The following COXFA4L3 variants were observed in gnomAD, a reference collection of about 807,000 sequenced individuals.
COXFA4L3 encodes the protein MIR147B host.
the COXFA4L3 span, chr15:45,430,906 G>C: frequency 1.3e-6 from 2 of 1,568,640 alleles, no homozygotes; most frequent in African/African-American, 2.7e-5. Flanking sequence ...CACAGATTTT[G>C]AACAAAGTAT....
the COXFA4L3 span, chr15:45,432,017 A>G: frequency 6.9e-7 from 1 of 1,453,154 alleles, no homozygotes; most frequent in Non-Finnish European, 9.6e-7. Context: ...ACCCAGTATC[A>G]GTGTTGGTTT....
At chr15:45,433,335 C>A in the COXFA4L3 span, 1 of 269,550 alleles carries the variant, frequency 3.7e-6, no homozygotes, top group Non-Finnish European at 7.3e-6. Context: ...TGCAAGATTT[C>A]TCAAAGATTA....
chr15:45,432,819 A>G, the COXFA4L3 span: 1 of 684,682 alleles, frequency 1.5e-6, no homozygotes, highest in Admixed American at 2.8e-5. Context: ...AGATATGGAA[A>G]GAGGTAGGTA....
the COXFA4L3 span, chr15:45,430,722 G>T: frequency 6.9e-7 from 1 of 1,457,844 alleles, no homozygotes; most frequent in South Asian, 1.2e-5. Flanking sequence ...CGCGGTGGAC[G>T]GTTTGGCGCC....
the COXFA4L3 span, chr15:45,430,977 T>TC: frequency 1.9e-6 from 3 of 1,608,912 alleles, no homozygotes; most frequent in Non-Finnish European, 2.5e-6. Context: ...TCCAAATGTG[T>TC]CCCCTCCACC....
the COXFA4L3 span, chr15:45,431,059 T>G: frequency 1.2e-6 from 2 of 1,614,146 alleles, no homozygotes; most frequent in Non-Finnish European, 1.7e-6. Context: ...TCTTTCGCTG[T>G]GTATTCTCTT....
At chr15:45,432,920 T>A in the COXFA4L3 span, 1 of 957,810 alleles carries the variant, frequency 1.0e-6, no homozygotes, top group Admixed American at 3.0e-5. Context: ...TAACAAAAGG[T>A]TTTTTTTTTT....
At chr15:45,430,741 G>C in the COXFA4L3 span, 1 of 1,568,600 alleles carries the variant, frequency 6.4e-7, no homozygotes, top group African/African-American at 1.4e-5. Flanking sequence ...CCCACCAGGC[G>C]ATCAATACTT....
At chr15:45,432,038 C>A in the COXFA4L3 span, 23 of 1,593,370 alleles carry the variant, frequency 1.4e-5, no homozygotes, top group Non-Finnish European at 1.5e-5. Context: ...AAATTCACAT[C>A]TTTTAATGTT....
the COXFA4L3 span, among the ~76,000 whole-genome samples, chr15:45,432,623 C>T: frequency 6.6e-6 from 1 of 152,156 alleles, no homozygotes; most frequent in South Asian, 2.1e-4. Context: ...TGCAGTTGTG[C>T]CACTGCACTC....
At chr15:45,433,280 T>A in the COXFA4L3 span, 6 of 360,972 alleles carry the variant, frequency 1.7e-5, no homozygotes, top group Non-Finnish European at 3.2e-5. Flanking sequence ...TCTTAAAATT[T>A]ACAAAGCTTT....
the COXFA4L3 span, chr15:45,430,791 G>A: frequency 1.2e-6 from 2 of 1,611,014 alleles, no homozygotes; most frequent in East Asian, 2.2e-5. Flanking sequence ...CTTCGCTGAA[G>A]TCATCATGAG....
At chr15:45,433,083 A>G in the COXFA4L3 span, 11 of 1,464,110 alleles carry the variant, frequency 7.5e-6, no homozygotes, top group African/African-American at 7.0e-5. Flanking sequence ...TGCACAAACT[A>G]GATTCTGGAC....
chr15:45,431,950 T>A, the COXFA4L3 span: 1 of 768,552 alleles, frequency 1.3e-6, no homozygotes. Context: ...TGGTTCCTGA[T>A]CATTAGCAGA....
At chr15:45,431,352 T>C in the COXFA4L3 span, 1 of 338,770 alleles carries the variant, frequency 3.0e-6, no homozygotes, top group Middle Eastern at 8.0e-4. Context: ...GTGTTTATTC[T>C]TTTACCCATT....
the COXFA4L3 span, chr15:45,432,155 T>C: frequency 6.2e-7 from 1 of 1,605,404 alleles, no homozygotes; most frequent in African/African-American, 1.3e-5. Flanking sequence ...TAAAAACAAA[T>C]GATTTATATT....
At chr15:45,432,983 A>G in the COXFA4L3 span, 1 of 1,613,952 alleles carries the variant, frequency 6.2e-7, no homozygotes, top group Admixed American at 1.7e-5. Flanking sequence ...AACCCATTGA[A>G]GAGTTGCAAA....
the COXFA4L3 span, chr15:45,431,094 G>C: frequency 1.9e-6 from 3 of 1,606,704 alleles, no homozygotes; most frequent in African/African-American, 4.0e-5. Flanking sequence ...GATGTAAGTA[G>C]GTCTCAATTT....
chr15:45,433,036 T>C, the COXFA4L3 span: 1 of 1,601,574 alleles, frequency 6.2e-7, no homozygotes, highest in Non-Finnish European at 8.6e-7. Context: ...GCCTCTTTCT[T>C]CTGAAGAGTA....
Sources: gnomAD v4.1 joint callset for allele counts (sites outside exome capture counted in the v4.1 genomes callset) on GRCh38, gnomAD v4.1.1 for gene constraint, MANE v1.5 for transcripts, NCBI Gene and HGNC (gene_info 2026-07-23, HGNC 2026-07-21) for gene names.